Variants in CSMD1 observed in about 807,000 individuals in gnomAD.
CSMD1 encodes CUB and Sushi multiple domains 1.
In CSMD1, 213 loss-of-function variants were observed where a neutral mutation model predicts 417.5. The ratio of observed to expected loss-of-function variants is 0.51; its 90% CI spans 0.46 to 0.57. CSMD1 has a LOEUF of 0.57. Ranked by LOEUF, CSMD1 falls within the 20% of genes least tolerant of loss-of-function variation. The probability of loss-of-function intolerance (pLI) is 0.00; values close to 1 mark genes in which losing one functional copy is unlikely to be tolerated. For synonymous variants in CSMD1, 2,862 were observed against 1,736.8 expected (o/e 1.65, Z -16.11); for missense variants, 6,923 against 4,529.7 (o/e 1.53, Z -15.17).
intron 2 of CSMD1, among the ~76,000 whole-genome samples, chr8:4,479,449 G>A (rs1416569256): frequency 6.6e-6 from 1 of 152,082 alleles, no homozygotes; most frequent in Non-Finnish European, 1.5e-5. Context: ...AATATATTTG[G>A]TGCAACTTAC....
intron 42 of CSMD1, among the ~76,000 whole-genome samples, chr8:3,110,679 G>T (rs1389460013): frequency 6.6e-6 from 1 of 152,100 alleles, no homozygotes; most frequent in Non-Finnish European, 1.5e-5. Flanking sequence ...TGAATTATGG[G>T]GAAAGTATTC....
intron 2 of CSMD1, among the ~76,000 whole-genome samples, chr8:4,432,237 A>G (rs573904503): frequency 1.6e-3 from 242 of 152,334 alleles, no homozygotes; most frequent in African/African-American, 5.5e-3. Flanking sequence ...GGTTATGAGA[A>G]AACAGTAAAC....
At chr8:4,212,986 G>C (rs1260697720) in intron 3 of CSMD1, among the ~76,000 whole-genome samples, 1 of 151,966 alleles carries the variant, frequency 6.6e-6, no homozygotes, top group South Asian at 2.1e-4. Context: ...TGGCTTCCAA[G>C]TCATGTTGCC....
At chr8:2,972,357 G>T (rs867859110) in intron 57 of CSMD1, among the ~76,000 whole-genome samples, 4 of 152,124 alleles carry the variant, frequency 2.6e-5, no homozygotes, top group South Asian at 2.1e-4. Flanking sequence ...AATACATATT[G>T]AATTAATTTG....
intron 10 of CSMD1, among the ~76,000 whole-genome samples, chr8:3,571,130 C>G (rs13273515): frequency 6.6e-6 from 1 of 152,006 alleles, no homozygotes; most frequent in Non-Finnish European, 1.5e-5. Flanking sequence ...CTCACGACAG[C>G]TGAGGCAAAA....
At position 3,708,468 on chromosome 8, in the gene CSMD1, A is replaced by C; in HGVS notation, c.955T>G (p.Ser319Ala). Reference sequence around the variant, plus strand: ...CTGGGCAGCATCTTGACTCCTCTTGACTTCAACTCAATCGCCTTTTTCACT... The same window carrying C: ...CTGGGCAGCATCTTGACTCCTCTTGCCTTCAACTCAATCGCCTTTTTCACT... ...FQVKKAIELKSRGVKMLPSKD... is the reference protein window; with the variant it reads ...FQVKKAIELKARGVKMLPSKD... The change falls in exon 7 of 70, where the codon TCA becomes GCA. Residue 319 changes from serine (S) to alanine (A), a missense_variant. By Grantham distance (99) the Ser-to-Ala change is moderately conservative. Coordinates refer to ENST00000635120, the MANE Select transcript of CSMD1 (RefSeq NM_033225.6). 1.9e-6 allele frequency: 3 copies of C among 1,613,842 alleles called. No homozygotes were observed. The highest frequency in any genetic ancestry group is 2.5e-6 in the Non-Finnish European group (3 of 1,179,818).
chr8:3,662,600 C>T (rs1798475852), intron 7 of CSMD1, among the ~76,000 whole-genome samples: 1 of 152,128 alleles, frequency 6.6e-6, no homozygotes, highest in Non-Finnish European at 1.5e-5. Flanking sequence ...GTTCTACATC[C>T]TTGAAGAATC....
At chr8:4,050,170 G>T (rs1045031125) in intron 3 of CSMD1, among the ~76,000 whole-genome samples, 1 of 152,058 alleles carries the variant, frequency 6.6e-6, no homozygotes, top group Non-Finnish European at 1.5e-5. Context: ...ATCATCAGTG[G>T]GACTTCCACT....
chr8:3,187,009 T>C (rs1821805798), intron 36 of CSMD1, among the ~76,000 whole-genome samples: 1 of 152,192 alleles, frequency 6.6e-6, no homozygotes, highest in Non-Finnish European at 1.5e-5. Context: ...CCCAATGTAA[T>C]GCCGGGCTTA....
At chr8:4,671,107 A>C (rs562530825) in intron 1 of CSMD1, among the ~76,000 whole-genome samples, 5 of 152,294 alleles carry the variant, frequency 3.3e-5, no homozygotes, top group African/African-American at 9.6e-5. Context: ...GGCTTGAAAA[A>C]CTAGCTGCAT....
rs145557444 is a variant in CSMD1 at position 4,018,858 on chromosome 8, A to C, written c.610+13047T>G. Among the ~76,000 whole-genome samples the C allele has an allele frequency of 7.9e-4, 121 of 152,306 alleles. 1 individual carries two copies. Among genetic ancestry groups the C allele is most frequent in the African/African-American group, 2.6e-3 (109 of 41,572 alleles). On this transcript the variant is annotated intron_variant, in intron 4 of 69. Coordinates refer to ENST00000635120, the MANE Select transcript of CSMD1 (RefSeq NM_033225.6). ...AAGTCACTGAATTCCTCTGTGATGGAGTCTCATCTAAACCAGAGGGATGAT... is the reference window on the plus strand; with the variant it reads ...AAGTCACTGAATTCCTCTGTGATGGCGTCTCATCTAAACCAGAGGGATGAT...
At chr8:4,442,264 G>A (rs1238061) in intron 2 of CSMD1, among the ~76,000 whole-genome samples, 1 of 151,994 alleles carries the variant, frequency 6.6e-6, no homozygotes, top group Non-Finnish European at 1.5e-5. Context: ...TTAAAATTTT[G>A]TTTTTATAAC....
At chr8:4,062,137 C>G (rs1195724982) in intron 3 of CSMD1, among the ~76,000 whole-genome samples, 1 of 151,984 alleles carries the variant, frequency 6.6e-6, no homozygotes, top group Non-Finnish European at 1.5e-5. Flanking sequence ...TCAGTGGAGG[C>G]TCATGATATG....
chr8:3,806,427 C>T (rs563511015), intron 5 of CSMD1, among the ~76,000 whole-genome samples: 29 of 152,316 alleles, frequency 1.9e-4, no homozygotes, highest in South Asian at 6.2e-4. Context: ...CATCCTGATA[C>T]GGCCATGGCC....
chr8:3,459,037 G>A (rs531282180), intron 12 of CSMD1, among the ~76,000 whole-genome samples: 5 of 152,216 alleles, frequency 3.3e-5, no homozygotes, highest in Middle Eastern at 3.2e-3. Context: ...GGAAGGACCC[G>A]CCCGGAGAGA....
At chr8:4,550,607 A>G (rs1181301283) in intron 2 of CSMD1, among the ~76,000 whole-genome samples, 6 of 152,206 alleles carry the variant, frequency 3.9e-5, no homozygotes, top group African/African-American at 1.4e-4. Context: ...TGATTTTTAA[A>G]TAGGTAATGA....
chr8:4,138,161 C>G (rs895376820), intron 3 of CSMD1, among the ~76,000 whole-genome samples: 1 of 145,548 alleles, frequency 6.9e-6, no homozygotes, highest in East Asian at 2.0e-4. Flanking sequence ...ATGATCCTCC[C>G]ACCTGGGCCT....
intron 3 of CSMD1, among the ~76,000 whole-genome samples, chr8:4,377,704 C>T (rs1031407320): frequency 1.3e-5 from 2 of 152,256 alleles, no homozygotes; most frequent in East Asian, 3.9e-4. Context: ...TCATCTGTGG[C>T]ATACTTTTGA....
chr8:3,145,181 C>T (rs1223702270), intron 40 of CSMD1, among the ~76,000 whole-genome samples: 1 of 152,072 alleles, frequency 6.6e-6, no homozygotes, highest in Non-Finnish European at 1.5e-5. Context: ...CAGGCGGAAT[C>T]AAGAAGCTGA....
Sources: gnomAD v4.1 joint callset for allele counts (sites outside exome capture counted in the v4.1 genomes callset) on GRCh38, gnomAD v4.1.1 for gene constraint, MANE v1.5 for transcripts, NCBI Gene and HGNC (gene_info 2026-07-23, HGNC 2026-07-21) for gene names.